SPPL2A: variants seen among roughly 807,000 people sequenced by gnomAD.
SPPL2A encodes signal peptide peptidase-like 2A.
A neutral mutation model predicts 63.8 loss-of-function variants in SPPL2A; 51 were observed. The observed-to-expected ratio is 0.80, with a 90% CI of 0.64 to 1.01. The LOEUF (loss-of-function observed/expected upper bound fraction) is 1.01. Among genes scored for constraint, SPPL2A ranks in the 50% least tolerant of loss-of-function variants. The probability of loss-of-function intolerance (pLI) is 0.00; values close to 1 mark genes in which losing one functional copy is unlikely to be tolerated. For synonymous variants in SPPL2A, 188 were observed against 205.8 expected (o/e 0.91, Z 0.74); for missense variants, 553 against 622.7 (o/e 0.89, Z 1.19).
At chr15:50,731,125 T>C (rs2062727136) in intron 9 of SPPL2A, 86 bp from the exon 10 acceptor site, 6 of 625,218 alleles carry the variant, frequency 9.6e-6, no homozygotes, top group South Asian at 3.7e-5. Context: ...CAAATAAATA[T>C]ATGAATATAC....
intron 9 of SPPL2A, among the ~76,000 whole-genome samples, chr15:50,732,105 C>A (rs1321677534): frequency 6.6e-6 from 1 of 151,746 alleles, no homozygotes; most frequent in Non-Finnish European, 1.5e-5. Context: ...ACCAAACAAA[C>A]AAAATTTAGC....
chr15:50,711,408 A>G (rs1159236748), intron 14 of SPPL2A, among the ~76,000 whole-genome samples: 2 of 151,854 alleles, frequency 1.3e-5, no homozygotes, highest in African/African-American at 4.8e-5. Context: ...ATGGGATTTC[A>G]CTATGTTGGC....
At chr15:50,711,915 T>C (rs1008580268) in intron 14 of SPPL2A, among the ~76,000 whole-genome samples, 1 of 152,174 alleles carries the variant, frequency 6.6e-6, no homozygotes, top group Non-Finnish European at 1.5e-5. Flanking sequence ...ATAAAGACTG[T>C]AGAGATACAT....
chr15:50,756,108 C>T (rs1363503342), intron 1 of SPPL2A, among the ~76,000 whole-genome samples: 2 of 151,660 alleles, frequency 1.3e-5, no homozygotes, highest in African/African-American at 4.8e-5. Flanking sequence ...TGCCTGTAAT[C>T]CCAGCACTTT....
chr15:50,749,432 C>T (rs777239612), intron 2 of SPPL2A, among the ~76,000 whole-genome samples: 12 of 152,210 alleles, frequency 7.9e-5, no homozygotes, highest in South Asian at 2.1e-4. Flanking sequence ...GGACTACAGG[C>T]GCCTGCCACC....
At chr15:50,722,326 C>T in intron 12 of SPPL2A, 125 bp from the exon 13 acceptor site, 1 of 557,450 alleles carries the variant, frequency 1.8e-6, no homozygotes, top group South Asian at 2.6e-5. Flanking sequence ...ATTCAAGTAC[C>T]TCAAATTCTT....
intron 8 of SPPL2A, among the ~76,000 whole-genome samples, chr15:50,735,209 A>T (rs895963609): frequency 2.0e-5 from 3 of 152,004 alleles, no homozygotes; most frequent in African/African-American, 7.2e-5. Context: ...CCCGGCAAGT[A>T]TGTTCTCTTT....
At chr15:50,728,356 A>T (rs942774999) in intron 10 of SPPL2A, among the ~76,000 whole-genome samples, 3 of 152,198 alleles carry the variant, frequency 2.0e-5, no homozygotes, top group Admixed American at 6.5e-5. Context: ...ATTTTTATTT[A>T]TTTTTGAGAC....
chr15:50,735,954 G>A (rs2062767961), intron 8 of SPPL2A, 147 bp downstream of exon 8: 1 of 562,512 alleles, frequency 1.8e-6, no homozygotes, highest in East Asian at 3.0e-5. Context: ...ATTAACATAA[G>A]ATCTGCTTAT....
In SPPL2A at chr15:50,708,858, C is replaced by T. The variant is rs143153385; in HGVS notation, c.1489-984G>A. On this transcript the variant is annotated intron_variant, in intron 14 of 14. Transcript: ENST00000261854. Reference sequence around the variant, plus strand: ...ATGGTCCTGGCTAACACAGTGAAACCCCGTTTCTACAAAAAAATACAAAAA... The same window carrying T: ...ATGGTCCTGGCTAACACAGTGAAACTCCGTTTCTACAAAAAAATACAAAAA... 1.0e-3 allele frequency among the ~76,000 whole-genome samples: 152 copies of T among 151,180 alleles called. 4 individuals carry two copies. The South Asian group carries it at 0.015, about 15-fold the overall frequency.
chr15:50,755,457 C>CA (rs1471272094), intron 1 of SPPL2A, among the ~76,000 whole-genome samples: 6 of 151,166 alleles, frequency 4.0e-5, no homozygotes, highest in South Asian at 4.2e-4. Flanking sequence ...CTCGTTTCTA[C>CA]AAAAAAATAA....
At chr15:50,708,574 C>T (rs1421597494) in intron 14 of SPPL2A, among the ~76,000 whole-genome samples, 2 of 151,286 alleles carry the variant, frequency 1.3e-5, no homozygotes, top group Non-Finnish European at 3.0e-5. Flanking sequence ...GGCGTAGTGG[C>T]GGGCGCCTGT....
In SPPL2A at chr15:50,731,030, T is replaced by C. The variant is rs760927737; in HGVS notation, c.1024A>G (p.Ile342Val). ...LKLPNFKSCV[I>V]LLGLLLLYDV... ...TAGAGGAGGAGAAGGCCTAGAAGTATCACACATGACTGTCAAAGAAAGAAA... is the reference window on the plus strand; with the variant it reads ...TAGAGGAGGAGAAGGCCTAGAAGTACCACACATGACTGTCAAAGAAAGAAA... The change falls in exon 10 of 15, where the codon ATA (isoleucine) becomes GTA (valine). Residue 342 changes from isoleucine to valine, a missense_variant. Transcript: ENST00000261854. 1.1e-5 allele frequency: 16 copies of C among 1,464,266 alleles called. No homozygotes were observed. In the Admixed American group the frequency reaches 2.7e-4, roughly 25 times the overall value. 90.7% of individuals were successfully genotyped at this position (1,464,266 alleles called of 1,614,324 possible).
At chr15:50,736,907 G>GT (rs35812835) in intron 6 of SPPL2A, among the ~76,000 whole-genome samples, 167 bp from the exon 7 acceptor site, 35,066 of 149,702 alleles carry the variant, frequency 0.23, 4,860 homozygotes, top group East Asian at 0.53. Context: ...AGATCGTGAG[G>GT]TTTTTTGTTT....
Position 50,720,517 on chromosome 15 carries a change from C to CTTTTT in SPPL2A, c.1328-422_1328-418dup, listed in dbSNP as rs750969318. 9.5e-5 allele frequency among the ~76,000 whole-genome samples: 10 copies of CTTTTT among 105,570 alleles called. No individual in the cohort carries two copies. The East Asian group carries it at 2.6e-3, about 27-fold the overall frequency. 69.3% of individuals were successfully genotyped at this position (105,570 alleles called of 152,430 possible). On this transcript the variant is annotated intron_variant, in intron 13 of 14. Transcript: ENST00000261854. ...AATAAGCACATACTTTTGAACTTTT[C>CTTTTT]TTTTTTTTTTTTTTTTTTCGAAATG...
intron 12 of SPPL2A, among the ~76,000 whole-genome samples, 154 bp downstream of exon 12, chr15:50,725,067 C>A (rs967139022): frequency 6.6e-6 from 1 of 152,104 alleles, no homozygotes; most frequent in Non-Finnish European, 1.5e-5. Context: ...TACCTTCTAC[C>A]CCTCAACAAG....
intron 1 of SPPL2A, among the ~76,000 whole-genome samples, chr15:50,759,735 T>C (rs538910817): frequency 6.7e-6 from 1 of 149,514 alleles, no homozygotes; most frequent in South Asian, 2.1e-4. Context: ...AGAACGAGAC[T>C]CTGTCTCAAA....
In SPPL2A at chr15:50,747,528, G is replaced by A; in HGVS notation, c.551C>T (p.Ala184Val). Residue 184 changes from alanine (A) to valine (V), a missense_variant, in exon 5 of 15, where the codon GCA (alanine) becomes GTA (valine). Transcript: ENST00000261854. The stretch of plus-strand genomic sequence containing the variant: ...TAGTCCACTCCAGTATCCACCTAAT[G>A]CCACAGTGAACACCGCAATTACAAA... ...VIFVIAVFTV[A>V]LGGYWSGLVE... 1.2e-6 allele frequency: 2 copies of A among 1,611,754 alleles called. No individual in the cohort carries two copies. Among genetic ancestry groups the A allele is most frequent in the South Asian group, 1.1e-5 (1 of 90,896 alleles).
intron 13 of SPPL2A, among the ~76,000 whole-genome samples, chr15:50,721,102 A>G (rs2062642740): frequency 6.6e-6 from 1 of 151,970 alleles, no homozygotes; most frequent in Non-Finnish European, 1.5e-5. Context: ...CAGTGGTGCA[A>G]TCTTGTCTCT....
Sources: gnomAD v4.1 joint callset for allele counts (sites outside exome capture counted in the v4.1 genomes callset) on GRCh38, gnomAD v4.1.1 for gene constraint, MANE v1.5 for transcripts, NCBI Gene and HGNC (gene_info 2026-07-23, HGNC 2026-07-21) for gene names.